The following NEGR1 variants were observed in gnomAD, a reference collection of about 807,000 sequenced individuals.
The protein encoded by NEGR1 is IgLON family member 4.
NEGR1 carries 10 observed loss-of-function variants against 40.9 expected under a neutral mutation model. That is an observed-to-expected ratio of 0.24 (90% CI 0.15 to 0.42). The LOEUF is 0.42. NEGR1 is among the 10% of genes least tolerant of loss of function. NEGR1 has a pLI of 1.00. For missense variants in NEGR1, 352 were observed against 438.9 expected (o/e 0.80, Z 1.77); for synonymous variants, 185 against 166.8 (o/e 1.11, Z -0.84).
At chr1:71,474,281 A>ATGTGTGTGTG (rs112956217) in intron 6 of NEGR1, among the ~76,000 whole-genome samples, 3,133 of 143,578 alleles carry the variant, frequency 0.022, 54 homozygotes, top group African/African-American at 0.04. Flanking sequence ...AAACAGGAAA[A>ATGTGTGTGTG]TGTGTGTGTG....
chr1:71,704,418 AAG>A (rs1653817533), intron 3 of NEGR1, among the ~76,000 whole-genome samples: 1 of 151,978 alleles, frequency 6.6e-6, no homozygotes, highest in African/African-American at 2.4e-5. Context: ...AAAGAACAAA[AAG>A]AGATGACACA....
chr1:72,185,532 T>C (rs1051126704), intron 1 of NEGR1, among the ~76,000 whole-genome samples: 4 of 151,912 alleles, frequency 2.6e-5, no homozygotes, highest in African/African-American at 7.2e-5. Flanking sequence ...GGCTGAGCGA[T>C]AATGCTGAGA....
intron 4 of NEGR1, among the ~76,000 whole-genome samples, chr1:71,611,893 C>T (rs1650266972): frequency 6.6e-6 from 1 of 152,192 alleles, no homozygotes; most frequent in Admixed American, 6.5e-5. Context: ...ATCTGGATCT[C>T]TCATACCATC....
chr1:72,175,705 C>A (rs1652140054), intron 1 of NEGR1, among the ~76,000 whole-genome samples: 1 of 151,484 alleles, frequency 6.6e-6, no homozygotes, highest in East Asian at 1.9e-4. Flanking sequence ...CACATGTGAA[C>A]ACAAGTACCA....
At chr1:71,520,676 A>G (rs148780749) in intron 6 of NEGR1, among the ~76,000 whole-genome samples, 2 of 152,130 alleles carry the variant, frequency 1.3e-5, no homozygotes, top group African/African-American at 2.4e-5. Context: ...AATAAGTAGT[A>G]CCTCATTTCA....
intron 1 of NEGR1, among the ~76,000 whole-genome samples, chr1:72,192,766 T>C (rs1199140355): frequency 1.3e-5 from 2 of 151,900 alleles, no homozygotes; most frequent in African/African-American, 4.8e-5. Context: ...GGTTATAGTT[T>C]ATGGATTATA....
At chr1:71,761,529 C>G (rs1655941177) in intron 3 of NEGR1, among the ~76,000 whole-genome samples, 1 of 152,146 alleles carries the variant, frequency 6.6e-6, no homozygotes, top group South Asian at 2.1e-4. Context: ...AAACTTATAG[C>G]TGAGGTATAT....
chr1:72,161,218 T>C (rs1236588398), intron 1 of NEGR1, among the ~76,000 whole-genome samples: 1 of 152,014 alleles, frequency 6.6e-6, no homozygotes, highest in East Asian at 1.9e-4. Context: ...AAAAAGGCCA[T>C]TCCTGGGGCA....
intron 2 of NEGR1, among the ~76,000 whole-genome samples, chr1:71,853,096 T>C (rs1167806259): frequency 6.6e-6 from 1 of 152,084 alleles, no homozygotes; most frequent in Non-Finnish European, 1.5e-5. Flanking sequence ...GACAATAAAC[T>C]GTGAATTTTC....
At chr1:71,539,814 A>C (rs1459757551) in intron 6 of NEGR1, among the ~76,000 whole-genome samples, 5 of 151,772 alleles carry the variant, frequency 3.3e-5, no homozygotes, top group Non-Finnish European at 7.4e-5. Context: ...AGTTAGAAAA[A>C]CATCGTTTGT....
rs571210584 is a variant in NEGR1 at position 72,261,376 on chromosome 1, T to C, written c.176+20943A>G. On this transcript the variant is annotated intron_variant, in intron 1 of 6. Transcript: ENST00000357731. ...ATAGGCAAATCTTCTAATAAATGTA[T>C]AAGCATGTTTCTCAAACTTCATTAT... Among the ~76,000 whole-genome samples, 19 of 152,186 alleles carry C rather than the reference T, an allele frequency of 1.2e-4. No homozygotes were observed. In the East Asian group the frequency reaches 2.9e-3, roughly 23 times the overall value.
At chr1:71,847,056 T>C (rs946460161) in intron 2 of NEGR1, among the ~76,000 whole-genome samples, 9 of 152,164 alleles carry the variant, frequency 5.9e-5, no homozygotes, top group African/African-American at 2.2e-4. Context: ...TTCACATTAC[T>C]ACTCTGTATA....
chr1:71,880,782 A>T (rs553240568), intron 2 of NEGR1, among the ~76,000 whole-genome samples: 2 of 152,162 alleles, frequency 1.3e-5, no homozygotes, highest in East Asian at 3.9e-4. Context: ...CCAAAGCTCT[A>T]TGCTTATAGC....
At position 71,639,975 on chromosome 1, in the gene NEGR1, G is replaced by A. The variant is rs576182148; in HGVS notation, c.668-28829C>T. ...AAACAAATATCCATGGATCGAAGCA[G>A]AACTGCTCTGCTTCTTTTCCTGAAT... On this transcript the variant is annotated intron_variant, in intron 4 of 6. Transcript: ENST00000357731. Among the ~76,000 whole-genome samples, 4 of 152,108 alleles carry A rather than the reference G, an allele frequency of 2.6e-5. No individual in the cohort carries two copies. In the South Asian group the frequency reaches 8.3e-4, roughly 32 times the overall value.
At chr1:72,277,147 T>C (rs1322398680) in intron 1 of NEGR1, among the ~76,000 whole-genome samples, 2 of 152,154 alleles carry the variant, frequency 1.3e-5, no homozygotes, top group Non-Finnish European at 2.9e-5. Context: ...TACTTTCCAT[T>C]GGCTAACGAC....
chr1:71,940,312 A>G (rs762055312), intron 1 of NEGR1, among the ~76,000 whole-genome samples: 1 of 152,138 alleles, frequency 6.6e-6, no homozygotes, highest in Non-Finnish European at 1.5e-5. Context: ...TTTATCTTTC[A>G]CTTTAAAAAT....
chr1:71,881,474 T>A (rs1200098424), intron 2 of NEGR1, among the ~76,000 whole-genome samples: 1 of 152,078 alleles, frequency 6.6e-6, no homozygotes, highest in African/African-American at 2.4e-5. Flanking sequence ...ATTAGGCTTT[T>A]GCACAGATTT....
chr1:72,175,698 A>G (rs543836054), intron 1 of NEGR1, among the ~76,000 whole-genome samples: 1 of 152,136 alleles, frequency 6.6e-6, no homozygotes, highest in South Asian at 2.1e-4. Flanking sequence ...AAAAAAACAC[A>G]TGTGAACACA....
In NEGR1 at chr1:72,011,535, G is replaced by T. The variant is rs188146541; in HGVS notation, c.177-76224C>A. 1.7e-4 allele frequency among the ~76,000 whole-genome samples: 26 copies of T among 152,146 alleles called. No homozygotes were observed. The East Asian group carries it at 5.0e-3, about 29-fold the overall frequency. ...TTAGTGAGGTCAGTCACAAGTAATC[G>T]CCATAGATCAAGCAAGATACCAAAG... On this transcript the variant is annotated intron_variant, in intron 1 of 6. Coordinates refer to ENST00000357731, the MANE Select transcript of NEGR1 (RefSeq NM_173808.3).
Sources: allele counts gnomAD v4.1 joint callset (sites outside exome capture counted in the v4.1 genomes callset), GRCh38; gene constraint gnomAD v4.1.1; transcripts MANE v1.5; gene names NCBI Gene and HGNC (gene_info 2026-07-23, HGNC 2026-07-21).